The following NCKAP5 variants were observed in gnomAD, a reference collection of about 807,000 sequenced individuals.
NCKAP5 encodes NCK associated protein 5.
A neutral mutation model predicts 167.0 loss-of-function variants in NCKAP5; 92 were observed. The observed-to-expected ratio is 0.55, with a 90% CI of 0.47 to 0.66. The LOEUF (loss-of-function observed/expected upper bound fraction) is 0.66, where lower values mean the gene tolerates loss of function less well. NCKAP5 is among the 30% of genes least tolerant of loss of function. The pLI, the probability that NCKAP5 is intolerant of heterozygous loss-of-function variation, is 0.00. For synonymous variants in NCKAP5, 891 were observed against 877.4 expected, an observed-to-expected ratio of 1.02 and a Z score of -0.27; for missense variants, 2,378 against 2,315.0, an observed-to-expected ratio of 1.03 and a Z score of -0.56.
chr2:133,141,757 G>A (rs1375808402), intron 5 of NCKAP5, among the ~76,000 whole-genome samples: 1 of 152,180 alleles, frequency 6.6e-6, no homozygotes, highest in Non-Finnish European at 1.5e-5. Context: ...TTTAAACGAA[G>A]ACTTGAGAAC....
intron 3 of NCKAP5, among the ~76,000 whole-genome samples, chr2:133,355,385 A>G (rs1001050756): frequency 6.6e-6 from 1 of 152,236 alleles, no homozygotes; most frequent in African/African-American, 2.4e-5. Flanking sequence ...AAATCAACTT[A>G]TTATGATTCA....
intron 8 of NCKAP5, among the ~76,000 whole-genome samples, chr2:132,959,859 C>T (rs2076460687): frequency 6.6e-6 from 1 of 152,036 alleles, no homozygotes; most frequent in African/African-American, 2.4e-5. Context: ...CCTTGAAAAC[C>T]CAAACTTTTA....
intron 3 of NCKAP5, among the ~76,000 whole-genome samples, chr2:133,425,875 A>G (rs1407877912): frequency 2.0e-5 from 3 of 152,234 alleles, no homozygotes; most frequent in African/African-American, 7.2e-5. Context: ...GTGGCCACAA[A>G]GAAAACACTG....
chr2:133,182,855 A>G (rs2084793420), intron 5 of NCKAP5, among the ~76,000 whole-genome samples: 1 of 152,164 alleles, frequency 6.6e-6, no homozygotes, highest in South Asian at 2.1e-4. Context: ...AAGTTGACAA[A>G]TTTCTAGCAA....
chr2:133,023,783 TC>T (rs764328642), intron 6 of NCKAP5, among the ~76,000 whole-genome samples: 2 of 152,202 alleles, frequency 1.3e-5, no homozygotes, highest in African/African-American at 2.4e-5. Flanking sequence ...ATGATTTCAT[TC>T]TTTGTTATGG....
At chr2:132,750,232 G>A (rs76731361) in intron 16 of NCKAP5, among the ~76,000 whole-genome samples, 2,478 of 152,134 alleles carry the variant, frequency 0.016, 29 homozygotes, top group Middle Eastern at 0.048. Context: ...CTTTTTTTGT[G>A]TTCAGGAAGC....
intron 1 of NCKAP5, among the ~76,000 whole-genome samples, chr2:133,567,657 C>CTGTG (rs3050985): frequency 0.075 from 9,804 of 130,686 alleles, 362 homozygotes; most frequent in East Asian, 0.14. Context: ...ATGAATGAGC[C>CTGTG]TGTGTGTGTG....
At chr2:132,713,546 T>C (rs1689063569) in intron 19 of NCKAP5, among the ~76,000 whole-genome samples, 1 of 152,234 alleles carries the variant, frequency 6.6e-6, no homozygotes, top group African/African-American at 2.4e-5. Context: ...ATGAATGCTG[T>C]TGGCATAGCT....
intron 4 of NCKAP5, among the ~76,000 whole-genome samples, chr2:133,274,298 GA>G (rs2089641391): frequency 6.6e-6 from 1 of 151,418 alleles, no homozygotes; most frequent in South Asian, 2.1e-4. Flanking sequence ...AAAATAGTAA[GA>G]ACAAAAAAAA....
Position 132,673,430 on chromosome 2 carries a change from T to G in NCKAP5, c.5714-125A>C, listed in dbSNP as rs962775038. ...GGGACAGAGAAAACCTACAAGTCTT[T>G]AATAATCTTCTAGTATAATTAGATG... On this transcript the variant is annotated intron_variant, in intron 19 of 19. Coordinates refer to ENST00000409261, the MANE Select transcript of NCKAP5 (RefSeq NM_207363.3). 1.9e-5 allele frequency: 14 copies of G among 720,320 alleles called. No individual in the cohort carries two copies. In the African/African-American group the frequency reaches 2.2e-4, roughly 11 times the overall value. 44.6% of individuals were successfully genotyped at this position (720,320 alleles called of 1,614,324 possible). A position where few individuals can be genotyped will look rare whatever the true frequency, so the allele number is the denominator to read the frequency against.
chr2:133,167,672 G>A (rs942543906), intron 5 of NCKAP5, among the ~76,000 whole-genome samples: 4 of 152,108 alleles, frequency 2.6e-5, no homozygotes, highest in Non-Finnish European at 4.4e-5. Flanking sequence ...CGTAGAACAC[G>A]GATTAGCTTC....
chr2:133,552,545 T>C (rs1378268502), intron 2 of NCKAP5, among the ~76,000 whole-genome samples: 2 of 133,850 alleles, frequency 1.5e-5, no homozygotes, highest in Non-Finnish European at 3.1e-5. Flanking sequence ...AATTGAACAA[T>C]GAGATCACAT....
At position 132,796,627 on chromosome 2, in the gene NCKAP5, C is replaced by T. The variant is rs779130337; in HGVS notation, c.909+1G>A. On this transcript the variant is annotated splice_donor_variant, in intron 12 of 19. Coordinates refer to ENST00000409261, the MANE Select transcript of NCKAP5 (RefSeq NM_207363.3). LOFTEE classifies it high-confidence loss of function. ...GTTCTGAAGGCAACTGGGAAACTCACGTGCACCTCAGCATCAGTTCGTGAC... is the reference window on the plus strand; with the variant it reads ...GTTCTGAAGGCAACTGGGAAACTCATGTGCACCTCAGCATCAGTTCGTGAC... 5.6e-6 allele frequency: 9 copies of T among 1,606,410 alleles called. No individual in the cohort carries two copies. Among genetic ancestry groups the T allele is most frequent in the Admixed American group, 3.3e-5 (2 of 59,702 alleles).
intron 2 of NCKAP5, among the ~76,000 whole-genome samples, chr2:133,526,804 C>T (rs11891880): frequency 0.1 from 15,183 of 152,010 alleles, 1,240 homozygotes; most frequent in African/African-American, 0.23. Context: ...CTGTGAACTC[C>T]TAAAGGGAAG....
chr2:132,821,491 T>C (rs1483589724), intron 11 of NCKAP5, among the ~76,000 whole-genome samples: 1 of 152,156 alleles, frequency 6.6e-6, no homozygotes. Context: ...AAGGAAACTC[T>C]CAACTGAAAT....
intron 3 of NCKAP5, among the ~76,000 whole-genome samples, chr2:133,478,127 G>T (rs578180736): frequency 3.8e-4 from 58 of 152,218 alleles, no homozygotes; most frequent in Admixed American, 1.1e-3. Flanking sequence ...CCCTCATGAA[G>T]AACTAAATCT....
chr2:133,345,888 A>G (rs893247239), intron 3 of NCKAP5, among the ~76,000 whole-genome samples: 9 of 152,168 alleles, frequency 5.9e-5, no homozygotes, highest in Non-Finnish European at 1.0e-4. Flanking sequence ...TAGCAGGCAC[A>G]GAGATGGAAG....
At chr2:133,021,523 C>T (rs546948467) in intron 6 of NCKAP5, among the ~76,000 whole-genome samples, 6 of 152,364 alleles carry the variant, frequency 3.9e-5, no homozygotes, top group African/African-American at 1.4e-4. Context: ...TAAGTGCATA[C>T]ACATCTACTC....
intron 1 of NCKAP5, among the ~76,000 whole-genome samples, 156 bp downstream of exon 1, chr2:133,568,060 C>A (rs1688693854): frequency 6.6e-6 from 1 of 152,076 alleles, no homozygotes; most frequent in African/African-American, 2.4e-5. Context: ...ACTTTAGGGC[C>A]CTATAGTTAC....
Sources: allele counts gnomAD v4.1 joint callset (sites outside exome capture counted in the v4.1 genomes callset), GRCh38; gene constraint gnomAD v4.1.1; transcripts MANE v1.5; gene names NCBI Gene and HGNC (gene_info 2026-07-23, HGNC 2026-07-21).